The following PTPRN2 variants were observed in gnomAD, a reference collection of about 807,000 sequenced individuals.
The protein encoded by PTPRN2 is receptor-type tyrosine-protein phosphatase N2.
PTPRN2 carries 74 observed loss-of-function variants against 118.8 expected under a neutral mutation model. The ratio of observed to expected loss-of-function variants is 0.62; its 90% CI spans 0.52 to 0.76. The LOEUF (loss-of-function observed/expected upper bound fraction) is 0.76. PTPRN2 is among the 30% of genes least tolerant of loss of function. PTPRN2 has a pLI of 0.00. For synonymous variants in PTPRN2, 641 were observed against 608.0 expected (o/e 1.05, Z -0.80); for missense variants, 1,481 against 1,394.4 (o/e 1.06, Z -0.99).
intron 11 of PTPRN2, among the ~76,000 whole-genome samples, chr7:158,072,252 G>A (rs1414446999): frequency 6.6e-6 from 1 of 152,168 alleles, no homozygotes; most frequent in South Asian, 2.1e-4. Flanking sequence ...TGCTGTCCTG[G>A]CCGATAAGTC....
At chr7:157,631,930 A>G (rs1803988435) in intron 14 of PTPRN2, among the ~76,000 whole-genome samples, 1 of 152,196 alleles carries the variant, frequency 6.6e-6, no homozygotes, top group Admixed American at 6.5e-5. Flanking sequence ...AAAACACTGT[A>G]AGAGGACAGA....
At chr7:158,409,926 G>T (rs1190491489) in intron 2 of PTPRN2, among the ~76,000 whole-genome samples, 2 of 152,220 alleles carry the variant, frequency 1.3e-5, no homozygotes, top group African/African-American at 2.4e-5. Flanking sequence ...CAGCTTCCAT[G>T]AACTTGCCTT....
At chr7:158,492,103 G>C (rs974599358) in intron 1 of PTPRN2, among the ~76,000 whole-genome samples, 1 of 152,224 alleles carries the variant, frequency 6.6e-6, no homozygotes, top group Non-Finnish European at 1.5e-5. Context: ...TCAGCTGTGA[G>C]GGCCCCTCCC....
At chr7:158,342,729 G>A (rs1289704340) in intron 2 of PTPRN2, among the ~76,000 whole-genome samples, 1 of 152,186 alleles carries the variant, frequency 6.6e-6, no homozygotes, top group African/African-American at 2.4e-5. Flanking sequence ...AGAGAGGTTG[G>A]GTGCCTTGCT....
chr7:157,927,202 CA>C (rs1292869807), intron 11 of PTPRN2, among the ~76,000 whole-genome samples: 5 of 49,006 alleles, frequency 1.0e-4, no homozygotes, highest in South Asian at 1.0e-3. Context: ...TCTGGGACCC[CA>C]AAGACAGGAA....
intron 11 of PTPRN2, among the ~76,000 whole-genome samples, chr7:158,046,815 T>C (rs1326981972): frequency 6.6e-6 from 1 of 152,136 alleles, no homozygotes; most frequent in African/African-American, 2.4e-5. Context: ...TCAGCAATAA[T>C]CCCTCATCTG....
At chr7:158,292,945 G>A (rs952168119) in intron 3 of PTPRN2, among the ~76,000 whole-genome samples, 2 of 152,084 alleles carry the variant, frequency 1.3e-5, no homozygotes, top group African/African-American at 4.8e-5. Context: ...GCAGGCACCT[G>A]TAATCCCAGC....
At chr7:158,016,599 A>T (rs2128872772) in intron 11 of PTPRN2, among the ~76,000 whole-genome samples, 1 of 152,304 alleles carries the variant, frequency 6.6e-6, no homozygotes, top group South Asian at 2.1e-4. Flanking sequence ...ATTAATTTAA[A>T]ATATTTTTCC....
chr7:158,236,253 G>T (rs1177404260), intron 3 of PTPRN2, among the ~76,000 whole-genome samples: 2 of 152,138 alleles, frequency 1.3e-5, no homozygotes. Flanking sequence ...ACATTGCTAC[G>T]TGGTGCCTGC....
chr7:158,146,485 G>A (rs915753862), intron 6 of PTPRN2, among the ~76,000 whole-genome samples: 19 of 152,066 alleles, frequency 1.2e-4, no homozygotes, highest in Admixed American at 4.6e-4. Context: ...ACTTTGGGAC[G>A]CTGAGGCATG....
intron 11 of PTPRN2, among the ~76,000 whole-genome samples, chr7:158,077,672 G>C (rs1479095318): frequency 6.6e-6 from 1 of 152,148 alleles, no homozygotes; most frequent in Non-Finnish European, 1.5e-5. Flanking sequence ...CCGAGCATGG[G>C]AGGGGATTCC....
At chr7:158,143,831 C>T (rs1819620984) in intron 6 of PTPRN2, among the ~76,000 whole-genome samples, 1 of 152,182 alleles carries the variant, frequency 6.6e-6, no homozygotes, top group South Asian at 2.1e-4. Context: ...AAAGGACTCT[C>T]CACACACTAG....
intron 2 of PTPRN2, among the ~76,000 whole-genome samples, chr7:158,470,176 G>A (rs1819750392): frequency 6.6e-6 from 1 of 152,192 alleles, no homozygotes; most frequent in East Asian, 1.9e-4. Context: ...AGCAAATATG[G>A]TTATAGCATT....
chr7:158,577,780 C>T (rs967445502), intron 1 of PTPRN2, among the ~76,000 whole-genome samples: 1 of 152,238 alleles, frequency 6.6e-6, no homozygotes. Context: ...GGGACAGGGC[C>T]CATCCAGGGC....
intron 2 of PTPRN2, among the ~76,000 whole-genome samples, chr7:158,379,619 A>T (rs1432272581): frequency 6.6e-6 from 1 of 151,798 alleles, no homozygotes; most frequent in African/African-American, 2.4e-5. Context: ...AGAAGACTCC[A>T]CATTCAAACT....
chr7:157,860,911 C>T (rs1010214154), intron 12 of PTPRN2, among the ~76,000 whole-genome samples: 9 of 152,242 alleles, frequency 5.9e-5, no homozygotes, highest in African/African-American at 2.2e-4. Context: ...CCAGGCAATT[C>T]AGTCAGTAGC....
intron 1 of PTPRN2, among the ~76,000 whole-genome samples, chr7:158,567,410 T>C (rs1827727880): frequency 6.6e-6 from 1 of 152,188 alleles, no homozygotes. Context: ...CAGAATCTAT[T>C]AGACATGATG....
At chr7:158,547,323 C>T (rs1826348721) in intron 1 of PTPRN2, among the ~76,000 whole-genome samples, 1 of 150,014 alleles carries the variant, frequency 6.7e-6, no homozygotes, top group African/African-American at 2.5e-5. Flanking sequence ...TAAATGCTGA[C>T]TCCCCAGCCC....
chr7:157,613,908 G>A (rs1011478344), intron 15 of PTPRN2: 1 of 405,062 alleles, frequency 2.5e-6, no homozygotes. Flanking sequence ...CTGCTATCCG[G>A]ACTCCTCGAG....
Sources: gnomAD v4.1 joint callset for allele counts (sites outside exome capture counted in the v4.1 genomes callset) on GRCh38, gnomAD v4.1.1 for gene constraint, MANE v1.5 for transcripts, NCBI Gene and HGNC (gene_info 2026-07-23, HGNC 2026-07-21) for gene names.